Variants in AGBL2 observed in about 807,000 individuals in gnomAD.
AGBL2 encodes the protein AGBL carboxypeptidase 2.
Under a neutral mutation model 103.0 loss-of-function variants are expected in AGBL2, and 87 were observed. That is an observed-to-expected ratio of 0.84 (90% confidence interval 0.71 to 1.01). AGBL2 has a LOEUF of 1.01. Ranked by LOEUF, AGBL2 falls within the 50% of genes least tolerant of loss-of-function variation. The pLI, the probability that AGBL2 is intolerant of heterozygous loss-of-function variation, is 0.00. For synonymous variants in AGBL2, 335 were observed against 356.7 expected, an observed-to-expected ratio of 0.94 and a Z score of 0.69; for missense variants, 904 against 1,023.5, an observed-to-expected ratio of 0.88 and a Z score of 1.59.
intron 10 of AGBL2, among the ~76,000 whole-genome samples, chr11:47,686,657 T>C (rs1001373220): frequency 5.3e-5 from 8 of 151,636 alleles, no homozygotes; most frequent in African/African-American, 1.9e-4. Flanking sequence ...CAAGATCTGG[T>C]TGTTTAAAAA....
chr11:47,709,492 A>G (rs1692182631), intron 4 of AGBL2, among the ~76,000 whole-genome samples: 1 of 151,962 alleles, frequency 6.6e-6, no homozygotes, highest in Admixed American at 6.6e-5. Context: ...GCAAAAAATT[A>G]TTTTTTTGTG....
chr11:47,665,485 C>T (rs1479420745), intron 17 of AGBL2, among the ~76,000 whole-genome samples: 5 of 152,030 alleles, frequency 3.3e-5, no homozygotes, highest in African/African-American at 1.2e-4. Context: ...TGTGAGCCAC[C>T]GTGCCTGGCC....
Position 47,685,963 on chromosome 11 carries a change from T to C in AGBL2, c.1718A>G (p.Asn573Ser), listed in dbSNP as rs1480736811. The C allele has an allele frequency of 1.2e-6, 2 of 1,614,050 alleles. No individual in the cohort carries two copies. The highest frequency in any genetic ancestry group is 4.5e-5 in the East Asian group (2 of 44,878). ...ATGAAGCCAGTATTTGCGATTGTTG[T>C]TATTACAGCCATACAGGAAGATATT... ...KNNIFLYGCNNNNRKYWLHER... is the reference protein window; with the variant it reads ...KNNIFLYGCNSNNRKYWLHER... The change falls in exon 11 of 19, where the codon AAC becomes AGC. Residue 573 changes from asparagine to serine, a missense_variant. Coordinates refer to ENST00000525123, the MANE Select transcript of AGBL2 (RefSeq NM_024783.4).
rs1426959566 is a variant in AGBL2, at chr11:47,699,618, T to C, written c.587-65A>G. The C allele has an allele frequency of 2.4e-5, 20 of 821,516 alleles. No individual in the cohort carries two copies. The East Asian group carries it at 4.9e-4, about 20-fold the overall frequency. 50.9% of individuals were successfully genotyped at this position (821,516 alleles called of 1,614,324 possible). On this transcript the variant is annotated intron_variant, in intron 7 of 18. Transcript: ENST00000525123. ...ATGTAAACGGCACTATCAGAACTAA[T>C]ATAAAATAATAATAATAATTTTTCA...
chr11:47,673,579 C>A (rs1387654868), intron 14 of AGBL2, among the ~76,000 whole-genome samples: 1 of 150,610 alleles, frequency 6.6e-6, no homozygotes, highest in African/African-American at 2.4e-5. Context: ...GAGCCGAGAT[C>A]GTGCCGTTGC....
intron 14 of AGBL2, 129 bp downstream of exon 14, chr11:47,677,142 G>A: frequency 4.1e-6 from 3 of 737,242 alleles, no homozygotes; most frequent in Non-Finnish European, 3.8e-6. Context: ...CCAGTGTCTG[G>A]GACTACAGGC....
chr11:47,690,191 C>T lies in AGBL2; in HGVS notation c.1516G>A (p.Val506Met), dbSNP rs752089816. The T allele has an allele frequency of 8.1e-6, 13 of 1,614,062 alleles. No individual in the cohort carries two copies. The South Asian group carries it at 1.4e-4, about 18-fold the overall frequency. ...KVLPMLNPDGVIVGNYRCSLA... is the reference protein window; with the variant it reads ...KVLPMLNPDGMIVGNYRCSLA... ...GAACACCGATAATTCCCCACAATCACACCATCTGGATTTAACATGGGAAGC... is the reference window on the plus strand; with the variant it reads ...GAACACCGATAATTCCCCACAATCATACCATCTGGATTTAACATGGGAAGC... Residue 506 changes from valine to methionine, a missense_variant, in exon 10 of 19, where the codon GTG becomes ATG. Transcript: ENST00000525123.
chr11:47,709,680 C>T (rs930685303), intron 4 of AGBL2, among the ~76,000 whole-genome samples: 2 of 151,862 alleles, frequency 1.3e-5, no homozygotes, highest in Non-Finnish European at 2.9e-5. Context: ...TTCCGCCTCC[C>T]AGGTTCACAC....
chr11:47,711,754 C>T (rs1344088563), intron 3 of AGBL2, among the ~76,000 whole-genome samples: 1 of 152,144 alleles, frequency 6.6e-6, no homozygotes, highest in Non-Finnish European at 1.5e-5. Context: ...AGGCTGGTCT[C>T]GAACTCCTGA....
Position 47,714,726 on chromosome 11 carries a change from T to G in AGBL2, c.-76A>C, listed in dbSNP as rs1228411068. 7.1e-7 allele frequency: 1 copy of G among 1,409,896 alleles called. No homozygotes were observed. The highest frequency in any genetic ancestry group is 1.4e-5 in the African/African-American group (1 of 70,840). The allele number at this position is 1,409,896 out of a possible 1,614,324, so 87.3% of individuals were successfully genotyped here. ...TCGCAAACCCTGCCCAATTTCCAAA[T>G]AGGCAGCTGATTACACAAGAGAAGC... On this transcript the variant is annotated 5_prime_UTR_variant, in exon 2 of 19. Transcript: ENST00000525123.
chr11:47,705,662 A>C (rs745972082), intron 5 of AGBL2, 28 bp from the exon 6 acceptor site: 1 of 595,120 alleles, frequency 1.7e-6, no homozygotes, highest in South Asian at 2.1e-5. Flanking sequence ...AAAAAAGAAA[A>C]AGAAAAAGAA....
chr11:47,686,447 G>GTTTT (rs563969184), intron 10 of AGBL2, among the ~76,000 whole-genome samples: 254 of 104,986 alleles, frequency 2.4e-3, no homozygotes, highest in Non-Finnish European at 2.8e-3. Flanking sequence ...TTTGTTTCTG[G>GTTTT]TTTTTTTTTT....
rs1228411068 is a variant in AGBL2, at chr11:47,714,726, T to C, written c.-76A>G. On this transcript the variant is annotated 5_prime_UTR_variant, in exon 2 of 19. Coordinates refer to ENST00000525123, the MANE Select transcript of AGBL2 (RefSeq NM_024783.4). ...TCGCAAACCCTGCCCAATTTCCAAA[T>C]AGGCAGCTGATTACACAAGAGAAGC... 9.2e-6 allele frequency: 13 copies of C among 1,409,778 alleles called. No individual in the cohort carries two copies. The highest frequency in any genetic ancestry group is 1.3e-5 in the Non-Finnish European group (13 of 994,350). 87.3% of individuals were successfully genotyped at this position (1,409,778 alleles called of 1,614,324 possible).
chr11:47,660,134 C>A lies in AGBL2; in HGVS notation c.*39G>T, dbSNP rs138270196. On this transcript the variant is annotated 3_prime_UTR_variant, in exon 19 of 19. Coordinates refer to ENST00000525123, the MANE Select transcript of AGBL2 (RefSeq NM_024783.4). Reference sequence around the variant, plus strand: ...TTATAAAATGTGTCTAATCTCAAAACCCCCGATGAAGTGCTTGTGTGGCAC... The same window carrying A: ...TTATAAAATGTGTCTAATCTCAAAAACCCCGATGAAGTGCTTGTGTGGCAC... 1 of 1,567,424 alleles carries A rather than the reference C, an allele frequency of 6.4e-7. No individual in the cohort carries two copies. The highest frequency in any genetic ancestry group is 1.2e-5 in the South Asian group (1 of 84,574).
intron 13 of AGBL2, among the ~76,000 whole-genome samples, chr11:47,679,073 A>AAAAG (rs1332060818): frequency 5.4e-5 from 8 of 148,194 alleles, no homozygotes; most frequent in Non-Finnish European, 1.0e-4. Context: ...AAAAAAAAAA[A>AAAAG]AAAAAAAAAA....
chr11:47,687,672 G>A (rs1035305891), intron 10 of AGBL2, among the ~76,000 whole-genome samples: 1 of 151,984 alleles, frequency 6.6e-6, no homozygotes. Flanking sequence ...CTTCCTGAGG[G>A]CTCCCTAGAA....
At chr11:47,687,529 G>GA (rs1013694557) in intron 10 of AGBL2, among the ~76,000 whole-genome samples, 27 of 134,260 alleles carry the variant, frequency 2.0e-4, no homozygotes, top group Admixed American at 2.3e-4. Flanking sequence ...ATGTGAAATT[G>GA]AAAAAAAAAA....
intron 9 of AGBL2, 68 bp downstream of exon 9, chr11:47,692,035 C>T: frequency 1.4e-6 from 2 of 1,400,322 alleles, no homozygotes; most frequent in Non-Finnish European, 9.6e-7. Flanking sequence ...CTTCTGATTC[C>T]TAATATCATT....
chr11:47,677,444 T>C (rs1565024317), intron 13 of AGBL2, 43 bp from the exon 14 acceptor site: 2 of 1,251,286 alleles, frequency 1.6e-6, no homozygotes, highest in South Asian at 2.2e-5. Flanking sequence ...ATTCATTTTA[T>C]TTTATTTATT....
Sources: gnomAD v4.1 joint callset for allele counts (sites outside exome capture counted in the v4.1 genomes callset) on GRCh38, gnomAD v4.1.1 for gene constraint, MANE v1.5 for transcripts, NCBI Gene and HGNC (gene_info 2026-07-23, HGNC 2026-07-21) for gene names.